The following ZNF723 variants were observed in gnomAD, a reference collection of about 807,000 sequenced individuals.
ZNF723 encodes the protein zinc finger protein 723, pseudogene.
ZNF723 carries 5 observed loss-of-function variants against 9.4 expected under a neutral mutation model. That is an observed-to-expected ratio of 0.53 (90% CI 0.28 to 1.12). The LOEUF is 1.12. ZNF723 is among the 50% of genes most tolerant of loss of function. The pLI, the probability that ZNF723 is intolerant of heterozygous loss-of-function variation, is 0.10. For synonymous variants in ZNF723, 158 were observed against 168.8 expected (o/e 0.94, Z 0.49); for missense variants, 450 against 501.5 (o/e 0.90, Z 0.98).
Position 22,848,266 on chromosome 19 carries a change from A to G in ZNF723, c.9A>G (p.Pro3=). The change falls in exon 2 of 4, where the codon CCA becomes CCG. Residue 3 remains proline, a synonymous_variant. Transcript: ENST00000600766. The stretch of plus-strand genomic sequence containing the variant: ...TGTGTGTGTTTTTTTTTCAGGGACC[A>G]TTGACATTCACAGATGTGGCAATAA... MG[P]LTFTDVAIKF... 9.0e-7 allele frequency: 1 copy of G among 1,114,858 alleles called. No homozygotes were observed. The highest frequency in any genetic ancestry group is 1.3e-6 in the Non-Finnish European group (1 of 753,824). The allele number at this position is 1,114,858 out of a possible 1,614,324, so 69.1% of individuals were successfully genotyped here.
intron 1 of ZNF723, among the ~76,000 whole-genome samples, chr19:22,836,589 T>C (rs1967170186): frequency 6.6e-6 from 1 of 152,166 alleles, no homozygotes. Flanking sequence ...GTCAGCATGT[T>C]CTTAGAAGGG....
At chr19:22,822,807 A>C in the ZNF723 span, among the ~76,000 whole-genome samples, 1 of 152,154 alleles carries the variant, frequency 6.6e-6, no homozygotes, top group African/African-American at 2.4e-5. Flanking sequence ...GCTTGCAGTG[A>C]GCTGAGATCG....
intron 1 of ZNF723, among the ~76,000 whole-genome samples, chr19:22,839,465 GGTT>G (rs368961456): frequency 1.1e-5 from 1 of 91,070 alleles, no homozygotes; most frequent in African/African-American, 5.9e-5. Flanking sequence ...GTTTTTTTTT[GGTT>G]TTTTTTTTTT....
chr19:22,857,429 A>G lies in ZNF723; in HGVS notation c.538A>G (p.Lys180Glu), dbSNP rs1967495467. 2.2e-6 allele frequency: 2 copies of G among 925,966 alleles called. No homozygotes were observed. The highest frequency in any genetic ancestry group is 3.6e-6 in the Non-Finnish European group (2 of 560,402). The allele number at this position is 925,966 out of a possible 1,614,324, so 57.4% of individuals were successfully genotyped here. A position where few individuals can be genotyped will look rare whatever the true frequency, so the allele number is the denominator to read the frequency against. Reference protein sequence around the residue: ...NNSFKCKECGKSFCMLSHLTK... With the variant: ...NNSFKCKECGESFCMLSHLTK... ...TTCTTTCAAATGTAAAGAATGTGGC[A>G]AATCATTTTGCATGCTTTCACACCT... Residue 180 changes from lysine (K) to glutamate (E), a missense_variant, in exon 4 of 4, where the codon AAA becomes GAA. Transcript: ENST00000600766.
the ZNF723 span, among the ~76,000 whole-genome samples, chr19:22,823,862 C>T: frequency 1.3e-5 from 2 of 152,230 alleles, no homozygotes. Flanking sequence ...TGTCATATCA[C>T]TGAGCCCAGC....
the ZNF723 span, among the ~76,000 whole-genome samples, chr19:22,812,382 G>A: frequency 1.1e-4 from 17 of 152,328 alleles, no homozygotes; most frequent in East Asian, 3.3e-3. Flanking sequence ...GCAGTCTACA[G>A]TTGAAATTGT....
At chr19:22,812,319 C>G in the ZNF723 span, among the ~76,000 whole-genome samples, 3 of 152,198 alleles carry the variant, frequency 2.0e-5, no homozygotes, top group African/African-American at 7.2e-5. Context: ...AGGATTGTCA[C>G]CCTCACGCAT....
At chr19:22,832,589 A>G (rs1368880565) in intron 1 of ZNF723, among the ~76,000 whole-genome samples, 1 of 152,100 alleles carries the variant, frequency 6.6e-6, no homozygotes, top group Non-Finnish European at 1.5e-5. Flanking sequence ...CTTCCCTGGC[A>G]GTGACCGTGC....
chr19:22,849,276 T>G lies in ZNF723; in HGVS notation c.209T>G (p.Met70Arg). Residue 70 changes from methionine (M) to arginine (R), a missense_variant, in exon 3 of 4, where the codon ATG becomes AGG. By Grantham distance (91) the Met-to-Arg change is moderately conservative. This residue lies in a region of ZNF723 where 143 missense variants were observed against 101.3 expected (regional missense o/e 1.41). Coordinates refer to ENST00000600766, the MANE Select transcript of ZNF723 (RefSeq NM_001349726.2). The stretch of plus-strand genomic sequence containing the variant: ...CCCTGGAATATGAAGAGACACAAGA[T>G]GGTAGCCAAGCCCCCAGGTAGGTGG... ...KEPWNMKRHK[M>R]VAKPPVVCSH... 1.6e-6 allele frequency: 1 copy of G among 611,112 alleles called. No homozygotes were observed. 37.9% of individuals were successfully genotyped at this position (611,112 alleles called of 1,614,324 possible).
chr19:22,820,702 T>C, the ZNF723 span, among the ~76,000 whole-genome samples: 81 of 152,214 alleles, frequency 5.3e-4, no homozygotes, highest in African/African-American at 1.7e-3. Context: ...CTCTTGCTTA[T>C]GGTATAAAGC....
the ZNF723 span, among the ~76,000 whole-genome samples, chr19:22,821,259 T>G: frequency 6.6e-6 from 1 of 152,130 alleles, no homozygotes; most frequent in South Asian, 2.1e-4. Flanking sequence ...GTCCAGCACC[T>G]GAGTGATTTG....
At chr19:22,843,855 TGGACA>T (rs1343758393) in intron 1 of ZNF723, among the ~76,000 whole-genome samples, 5 of 152,308 alleles carry the variant, frequency 3.3e-5, no homozygotes, top group Middle Eastern at 6.8e-3. Context: ...CATTATATAA[TGGACA>T]GGGCAGTGGC....
intron 1 of ZNF723, among the ~76,000 whole-genome samples, chr19:22,836,957 G>A (rs1356898685): frequency 6.6e-6 from 1 of 152,096 alleles, no homozygotes; most frequent in Non-Finnish European, 1.5e-5. Context: ...TATTGAACTT[G>A]AGGGAGATTA....
chr19:22,827,105 C>A, the ZNF723 span, among the ~76,000 whole-genome samples: 1 of 152,180 alleles, frequency 6.6e-6, no homozygotes, highest in African/African-American at 2.4e-5. Context: ...ATTTATCCCC[C>A]AAAATAGGGC....
chr19:22,858,289 A>T lies in ZNF723; in HGVS notation c.1398A>T (p.Ser466=), dbSNP rs1967513511. 2 of 1,234,934 alleles carry T rather than the reference A, an allele frequency of 1.6e-6. No individual in the cohort carries two copies. Among genetic ancestry groups the T allele is most frequent in the South Asian group, 2.4e-5 (2 of 82,376 alleles). 76.5% of individuals were successfully genotyped at this position (1,234,934 alleles called of 1,614,324 possible). A position where few individuals can be genotyped will look rare whatever the true frequency, so the allele number is the denominator to read the frequency against. The change falls in exon 4 of 4, where the codon TCA becomes TCT. Residue 466 remains serine, a synonymous_variant. Coordinates refer to ENST00000600766, the MANE Select transcript of ZNF723 (RefSeq NM_001349726.2). The part of the protein sequence containing the change: ...EECGKAFNQY[S]TLNKHKIIHA... Reference sequence around the variant, plus strand: ...GTGGCAAAGCTTTTAACCAATATTCAACCCTTAATAAACATAAGATAATTC... The same window carrying T: ...GTGGCAAAGCTTTTAACCAATATTCTACCCTTAATAAACATAAGATAATTC...
At position 22,849,183 on chromosome 19, in the gene ZNF723, T is replaced by A; in HGVS notation, c.131-15T>A. 1 of 569,590 alleles carries A rather than the reference T, an allele frequency of 1.8e-6. No homozygotes were observed. The allele number at this position is 569,590 out of a possible 1,614,324, so 35.3% of individuals were successfully genotyped here. A position where few individuals can be genotyped will look rare whatever the true frequency, so the allele number is the denominator to read the frequency against. On this transcript the variant is annotated splice_polypyrimidine_tract_variant and intron_variant, in intron 2 of 3. Transcript: ENST00000600766. ...ATATGAGGAACATTCATGTTATTTA[T>A]TTTTAATAAAACAGGTGTTGGTGTC...
the ZNF723 span, among the ~76,000 whole-genome samples, chr19:22,814,527 C>A: frequency 6.6e-6 from 1 of 152,154 alleles, no homozygotes; most frequent in Non-Finnish European, 1.5e-5. Flanking sequence ...CACCTGTGAG[C>A]CTCTGACTCC....
At chr19:22,854,374 CTT>C (rs1184667943) in intron 3 of ZNF723, among the ~76,000 whole-genome samples, 1 of 151,924 alleles carries the variant, frequency 6.6e-6, no homozygotes, top group Non-Finnish European at 1.5e-5. Flanking sequence ...CACTTTCTGT[CTT>C]TTTTTATCAT....
chr19:22,815,113 A>G, the ZNF723 span, among the ~76,000 whole-genome samples: 1 of 151,990 alleles, frequency 6.6e-6, no homozygotes, highest in Non-Finnish European at 1.5e-5. Flanking sequence ...GCTGAAAGGG[A>G]GAATTCTGAC....
Sources: gnomAD v4.1 joint callset for allele counts (sites outside exome capture counted in the v4.1 genomes callset) on GRCh38, gnomAD v4.1.1 for gene constraint, gnomAD v4.1.1 regional missense constraint, MANE v1.5 for transcripts, NCBI Gene and HGNC (gene_info 2026-07-23, HGNC 2026-07-21) for gene names.